ADGRL2: variants seen among roughly 807,000 people sequenced by gnomAD.
The protein encoded by ADGRL2 is adhesion G protein-coupled receptor L2, also known as calcium-independent alpha-latrotoxin receptor 2.
Under a neutral mutation model 157.4 loss-of-function variants are expected in ADGRL2, and 44 were observed. The observed-to-expected ratio is 0.28, with a 90% confidence interval of 0.22 to 0.36. ADGRL2 has a LOEUF of 0.36. Among genes scored for constraint, ADGRL2 ranks in the 10% least tolerant of loss-of-function variants. The pLI is 1.00. For synonymous variants in ADGRL2, 585 were observed against 624.7 expected (o/e 0.94, Z 0.95); for missense variants, 1,510 against 1,768.9 (o/e 0.85, Z 2.63).
intron 3 of ADGRL2, among the ~76,000 whole-genome samples, chr1:81,672,530 T>C (rs1013764842): frequency 2.6e-5 from 4 of 152,216 alleles, no homozygotes; most frequent in Non-Finnish European, 5.9e-5. Flanking sequence ...TTCAGCTACA[T>C]GAGGAAGGAC....
intron 3 of ADGRL2, among the ~76,000 whole-genome samples, chr1:81,658,250 C>T (rs1200965562): frequency 3.9e-5 from 6 of 152,058 alleles, no homozygotes; most frequent in East Asian, 1.9e-4. Context: ...CACGTGCCAC[C>T]GCGCTCAGCT....
chr1:81,518,416 G>A (rs1046534126), intron 2 of ADGRL2, among the ~76,000 whole-genome samples: 3 of 152,238 alleles, frequency 2.0e-5, no homozygotes, highest in African/African-American at 7.2e-5. Flanking sequence ...CTCACTTCAA[G>A]CTTCACATTT....
In ADGRL2 at chr1:81,677,909, C is replaced by T. The variant is rs556289197; in HGVS notation, c.-142-83902C>T. On this transcript the variant is annotated intron_variant, in intron 3 of 24. Transcript: ENST00000370721. Reference sequence around the variant, plus strand: ...TCACTAAGGAGTTTAACATCATCTTCTACCATTTCTCATCATATACCCTAT... The same window carrying T: ...TCACTAAGGAGTTTAACATCATCTTTTACCATTTCTCATCATATACCCTAT... 5.3e-5 allele frequency among the ~76,000 whole-genome samples: 8 copies of T among 152,294 alleles called. No homozygotes were observed. The South Asian group carries it at 1.5e-3, about 28-fold the overall frequency.
At chr1:81,859,503 C>G (rs1006791482) in intron 2 of ADGRL2, among the ~76,000 whole-genome samples, 31 of 149,028 alleles carry the variant, frequency 2.1e-4, no homozygotes, top group African/African-American at 7.4e-4. Context: ...ACCTTCTGGG[C>G]TCAAGCAGTC....
At chr1:81,577,990 T>C (rs2080829818) in intron 2 of ADGRL2, among the ~76,000 whole-genome samples, 1 of 152,174 alleles carries the variant, frequency 6.6e-6, no homozygotes, top group Non-Finnish European at 1.5e-5. Context: ...CTTCAAACCA[T>C]ATTGAACCAC....
chr1:81,782,841 T>G (rs1192190027), intron 2 of ADGRL2, among the ~76,000 whole-genome samples: 1 of 152,180 alleles, frequency 6.6e-6, no homozygotes, highest in Non-Finnish European at 1.5e-5. Context: ...AGGAAGGACA[T>G]CTTTGTAGCC....
In ADGRL2 at chr1:81,943,416, A is replaced by G. The variant is rs1208884524; in HGVS notation, c.857A>G (p.Asn286Ser). Residue 286 changes from asparagine to serine, a missense_variant, in exon 6 of 24, where the codon AAC (asparagine) becomes AGC (serine). Physicochemically the swap from Asn to Ser is conservative, Grantham distance 46. This residue lies in a region of ADGRL2 where 361 missense variants were observed against 498.4 expected (regional missense o/e 0.72). Transcript: ENST00000686636. This position sits in a 1 kb window ranked among gnomAD's most constrained non-coding sequence, Gnocchi z 5.6. ...TGGGTCATTTACGCCACTGAACAGA[A>G]CAATGGAATGATAGTTATTAGCCAG... ...GLWVIYATEQ[N>S]NGMIVISQLN... is the part of the protein sequence containing the mutation. 1.2e-6 allele frequency: 2 copies of G among 1,613,648 alleles called. No homozygotes were observed. Among genetic ancestry groups the G allele is most frequent in the Non-Finnish European group, 1.7e-6 (2 of 1,179,768 alleles).
intron 3 of ADGRL2, among the ~76,000 whole-genome samples, chr1:81,693,024 A>G (rs1475076815): frequency 6.6e-6 from 1 of 152,170 alleles, no homozygotes; most frequent in Non-Finnish European, 1.5e-5. Context: ...TCATACTGCC[A>G]TGCCCTGAGT....
At chr1:81,865,882 TGAA>T (rs1297214925) in intron 2 of ADGRL2, among the ~76,000 whole-genome samples, 5 of 152,338 alleles carry the variant, frequency 3.3e-5, no homozygotes, top group East Asian at 1.9e-4. Flanking sequence ...ACAGCAGTTT[TGAA>T]GAAGAAGGAA....
chr1:81,482,968 T>C (rs2078421820), intron 2 of ADGRL2, among the ~76,000 whole-genome samples: 1 of 152,116 alleles, frequency 6.6e-6, no homozygotes, highest in Non-Finnish European at 1.5e-5. Flanking sequence ...TCTTACTCTC[T>C]CTAATCTATT....
chr1:81,646,544 GGAGGGAAAAT>G (rs889698481), intron 3 of ADGRL2, among the ~76,000 whole-genome samples: 2 of 152,164 alleles, frequency 1.3e-5, no homozygotes, highest in Non-Finnish European at 2.9e-5. Flanking sequence ...GTATGGCTGT[GGAGGGAAAAT>G]GAGATACTAG....
At chr1:81,437,001 C>G (rs140640470) in intron 1 of ADGRL2, among the ~76,000 whole-genome samples, 4 of 152,338 alleles carry the variant, frequency 2.6e-5, no homozygotes, top group African/African-American at 4.8e-5. Flanking sequence ...GAATTCTCAA[C>G]AAAATGTGTT....
intron 1 of ADGRL2, among the ~76,000 whole-genome samples, chr1:81,831,408 A>G (rs982499041): frequency 2.0e-5 from 3 of 152,128 alleles, no homozygotes; most frequent in African/African-American, 4.8e-5. Context: ...TCAACTCGCT[A>G]TTCTTTTGGT....
chr1:81,781,336 G>T (rs776800727), intron 2 of ADGRL2, among the ~76,000 whole-genome samples: 8 of 152,130 alleles, frequency 5.3e-5, no homozygotes, highest in Non-Finnish European at 1.2e-4. Flanking sequence ...TGACAAGGGT[G>T]TAGCTGAAGT....
chr1:81,383,981 A>G (rs1432462882), intron 1 of ADGRL2, among the ~76,000 whole-genome samples: 2 of 151,454 alleles, frequency 1.3e-5, no homozygotes, highest in Non-Finnish European at 2.9e-5. Context: ...AAGAAAAGAA[A>G]AAAAAGAAAA....
chr1:81,941,772 G>A (rs186277026), intron 4 of ADGRL2, among the ~76,000 whole-genome samples: 43 of 151,790 alleles, frequency 2.8e-4, no homozygotes, highest in Non-Finnish European at 2.8e-4. Context: ...ACTAAGTGAA[G>A]CAACATGCCA....
intron 2 of ADGRL2, among the ~76,000 whole-genome samples, chr1:81,498,003 A>G (rs1467013730): frequency 2.0e-5 from 3 of 152,248 alleles, no homozygotes; most frequent in East Asian, 3.9e-4. Flanking sequence ...TCAGGAGATC[A>G]AGATCATCCT....
At chr1:81,698,115 T>C (rs970831719), upstream of ADGRL2, among the ~76,000 whole-genome samples, 2 of 152,172 alleles carry the variant, frequency 1.3e-5, no homozygotes, top group Admixed American at 6.5e-5. Context: ...ATTTTTCAAA[T>C]AGTTGAATAA....
chr1:81,396,570 T>A (rs1473982381), intron 1 of ADGRL2, among the ~76,000 whole-genome samples: 1 of 152,192 alleles, frequency 6.6e-6, no homozygotes, highest in Non-Finnish European at 1.5e-5. Context: ...ATCCTTGTCA[T>A]GTTCAAATTC....
Sources: allele counts gnomAD v4.1 joint callset (sites outside exome capture counted in the v4.1 genomes callset), GRCh38; gene constraint gnomAD v4.1.1; regional missense constraint gnomAD v4.1.1; non-coding constraint Gnocchi (gnomAD v3.1); transcripts MANE v1.5; gene names NCBI Gene and HGNC (gene_info 2026-07-23, HGNC 2026-07-21).